The following RSRC1 variants were observed in gnomAD, a reference collection of about 807,000 sequenced individuals.
RSRC1 encodes the protein arginine and serine rich coiled-coil 1, also known as serine/Arginine-related protein 53.
Under a neutral mutation model 49.1 loss-of-function variants are expected in RSRC1, and 39 were observed. That is an observed-to-expected ratio of 0.79 (90% confidence interval 0.61 to 1.04). RSRC1 has a LOEUF of 1.04. RSRC1 is among the 50% of genes least tolerant of loss of function. The probability of loss-of-function intolerance (pLI) is 0.00; values close to 1 mark genes in which losing one functional copy is unlikely to be tolerated. For synonymous variants in RSRC1, 143 were observed against 130.8 expected, an observed-to-expected ratio of 1.09 and a Z score of -0.63; for missense variants, 388 against 402.4, an observed-to-expected ratio of 0.96 and a Z score of 0.31.
intron 4 of RSRC1, among the ~76,000 whole-genome samples, chr3:158,236,528 G>A (rs1362721955): frequency 6.6e-6 from 1 of 152,194 alleles, no homozygotes; most frequent in Non-Finnish European, 1.5e-5. Context: ...CAATAGATTA[G>A]TTCTAGAACT....
At chr3:158,264,609 T>C (rs555764105) in intron 4 of RSRC1, among the ~76,000 whole-genome samples, 1 of 152,356 alleles carries the variant, frequency 6.6e-6, no homozygotes, top group Admixed American at 6.5e-5. Flanking sequence ...ATTGGAAATC[T>C]CCAACCATTA....
chr3:158,168,590 T>C (rs1358298935), intron 3 of RSRC1, among the ~76,000 whole-genome samples: 2 of 152,216 alleles, frequency 1.3e-5, no homozygotes, highest in African/African-American at 4.8e-5. Context: ...GTTTTTGTTA[T>C]AAATTCTATT....
chr3:158,480,742 G>A (rs1290095573), intron 7 of RSRC1, among the ~76,000 whole-genome samples: 2 of 151,914 alleles, frequency 1.3e-5, no homozygotes, highest in Non-Finnish European at 2.9e-5. Flanking sequence ...AAAACTTTGT[G>A]CATTTTTCTA....
Position 158,514,663 on chromosome 3 carries a change from C to T in RSRC1, c.653-22429C>T, listed in dbSNP as rs13095005. ...TGGTGCAGAGCTGAGTTCAATTCCT[C>T]GGTATCCTTGTTGACTCTCTGTCTC... is the stretch of plus-strand genomic sequence containing the variant. On this transcript the variant is annotated intron_variant, in intron 7 of 9. Transcript: ENST00000611884. Among the ~76,000 whole-genome samples, 21 of 151,926 alleles carry T rather than the reference C, an allele frequency of 1.4e-4. No homozygotes were observed. In the East Asian group the frequency reaches 2.7e-3, roughly 20 times the overall value.
rs1722576560 is a variant in RSRC1, at chr3:158,227,188, G to A, written c.494+23943G>A. The stretch of plus-strand genomic sequence containing the variant: ...GTTATTGCCCCTATTCAGAATACAT[G>A]CTGTATACTATATAAACACACTGTG... On this transcript the variant is annotated intron_variant, in intron 4 of 9. Coordinates refer to ENST00000611884, the MANE Select transcript of RSRC1 (RefSeq NM_001271838.2). Among the ~76,000 whole-genome samples, 6 of 151,802 alleles carry A rather than the reference G, an allele frequency of 4.0e-5. No homozygotes were observed. In the South Asian group the frequency reaches 1.2e-3, roughly 32 times the overall value.
At chr3:158,464,806 G>C (rs1382491005) in intron 7 of RSRC1, among the ~76,000 whole-genome samples, 1 of 151,960 alleles carries the variant, frequency 6.6e-6, no homozygotes, top group Non-Finnish European at 1.5e-5. Context: ...TATTATCCCT[G>C]TACAACAGGG....
intron 4 of RSRC1, among the ~76,000 whole-genome samples, chr3:158,222,731 C>G (rs1158617369): frequency 6.6e-6 from 1 of 151,480 alleles, no homozygotes; most frequent in East Asian, 1.9e-4. Context: ...TTTTCTGACC[C>G]AAATTAGCAT....
intron 7 of RSRC1, among the ~76,000 whole-genome samples, chr3:158,512,788 C>T (rs1224038467): frequency 3.3e-5 from 5 of 151,554 alleles, no homozygotes; most frequent in African/African-American, 1.2e-4. Flanking sequence ...TCTTTTATTT[C>T]ATTGAGCAGT....
chr3:158,155,027 T>G (rs1339271004), intron 3 of RSRC1, among the ~76,000 whole-genome samples: 1 of 152,118 alleles, frequency 6.6e-6, no homozygotes, highest in Non-Finnish European at 1.5e-5. Context: ...TTGTTTTGTT[T>G]TGTTATTGCC....
intron 6 of RSRC1, among the ~76,000 whole-genome samples, chr3:158,394,934 A>T (rs1733527123): frequency 6.6e-6 from 1 of 152,180 alleles, no homozygotes; most frequent in Non-Finnish European, 1.5e-5. Flanking sequence ...CCAACTTCAG[A>T]CTATACTTCA....
intron 4 of RSRC1, among the ~76,000 whole-genome samples, chr3:158,241,715 G>A (rs1723590734): frequency 6.6e-6 from 1 of 151,978 alleles, no homozygotes; most frequent in Non-Finnish European, 1.5e-5. Flanking sequence ...GGCTGCAGTA[G>A]TATCGACTCT....
intron 4 of RSRC1, among the ~76,000 whole-genome samples, chr3:158,291,831 A>T (rs527422435): frequency 6.6e-6 from 1 of 152,246 alleles, no homozygotes; most frequent in Admixed American, 6.5e-5. Context: ...AGAAAAGTCA[A>T]TGACTTTCTG....
chr3:158,195,344 T>C (rs1361423150), intron 3 of RSRC1, among the ~76,000 whole-genome samples: 4 of 89,514 alleles, frequency 4.5e-5, no homozygotes, highest in African/African-American at 1.7e-4. Flanking sequence ...TTGATGGGGT[T>C]GTTTTTTTTT....
At position 158,345,431 on chromosome 3, in the gene RSRC1, A is replaced by G. The variant is rs190870464; in HGVS notation, c.532-9426A>G. Reference sequence around the variant, plus strand: ...TATATAAAGACATTAGCAGGTAAAAATGGTGGAAAAAGATATACCAGGCTA... The same window carrying G: ...TATATAAAGACATTAGCAGGTAAAAGTGGTGGAAAAAGATATACCAGGCTA... On this transcript the variant is annotated intron_variant, in intron 5 of 9. Coordinates refer to ENST00000611884, the MANE Select transcript of RSRC1 (RefSeq NM_001271838.2). 4.6e-4 allele frequency among the ~76,000 whole-genome samples: 70 copies of G among 152,316 alleles called. 6 individuals carry two copies. The East Asian group carries it at 6.0e-3, about 13-fold the overall frequency.
At chr3:158,199,491 T>C (rs1720896745) in intron 3 of RSRC1, among the ~76,000 whole-genome samples, 1 of 152,168 alleles carries the variant, frequency 6.6e-6, no homozygotes, top group African/African-American at 2.4e-5. Flanking sequence ...ATTTTGACTT[T>C]GTTAGTTTTC....
At chr3:158,232,243 T>C (rs954153412) in intron 4 of RSRC1, among the ~76,000 whole-genome samples, 18 of 151,968 alleles carry the variant, frequency 1.2e-4, no homozygotes, top group African/African-American at 3.4e-4. Context: ...TAAAAAGATA[T>C]ATATTTAAAA....
chr3:158,492,761 G>C (rs1175345679), intron 7 of RSRC1, among the ~76,000 whole-genome samples: 2 of 152,138 alleles, frequency 1.3e-5, no homozygotes, highest in Non-Finnish European at 2.9e-5. Flanking sequence ...GAATCGTCAA[G>C]ATCATAATCT....
intron 7 of RSRC1, among the ~76,000 whole-genome samples, chr3:158,499,425 G>A (rs973930607): frequency 6.6e-6 from 1 of 151,958 alleles, no homozygotes; most frequent in Non-Finnish European, 1.5e-5. Flanking sequence ...AAGAATGATG[G>A]TGGTATTTTG....
At chr3:158,490,973 T>C (rs941999169) in intron 7 of RSRC1, among the ~76,000 whole-genome samples, 3 of 152,230 alleles carry the variant, frequency 2.0e-5, no homozygotes, top group African/African-American at 7.2e-5. Context: ...GACAAACTTC[T>C]CTAATAATTT....
Sources: allele counts gnomAD v4.1 joint callset (sites outside exome capture counted in the v4.1 genomes callset), GRCh38; gene constraint gnomAD v4.1.1; transcripts MANE v1.5; gene names NCBI Gene and HGNC (gene_info 2026-07-23, HGNC 2026-07-21).